The following FOCAD variants were observed in gnomAD, a reference collection of about 807,000 sequenced individuals.
FOCAD encodes focadhesin, also known as KIAA1797.
FOCAD carries 198 observed loss-of-function variants against 225.6 expected under a neutral mutation model. That is an observed-to-expected ratio of 0.88 (90% CI 0.78 to 0.99). The LOEUF (loss-of-function observed/expected upper bound fraction) is 0.99, where lower values mean the gene tolerates loss of function less well. Among genes scored for constraint, FOCAD ranks in the 50% least tolerant of loss-of-function variants. The pLI, the probability that FOCAD is intolerant of heterozygous loss-of-function variation, is 0.00. For missense variants in FOCAD, 2,713 were observed against 2,123.6 expected (o/e 1.28, Z -5.46); for synonymous variants, 897 against 755.0 (o/e 1.19, Z -3.08).
intron 15 of FOCAD, among the ~76,000 whole-genome samples, chr9:20,828,080 A>G (rs1825092951): frequency 6.6e-6 from 1 of 151,726 alleles, no homozygotes; most frequent in Admixed American, 6.6e-5. Context: ...CTGAGGTAGG[A>G]AGATTGAGGC....
intron 15 of FOCAD, among the ~76,000 whole-genome samples, chr9:20,824,321 C>T (rs1321398097): frequency 2.0e-5 from 3 of 152,042 alleles, no homozygotes; most frequent in Non-Finnish European, 4.4e-5. Flanking sequence ...TAAACTTTCA[C>T]CACCAAAAGG....
chr9:20,859,773 G>A (rs965924955), intron 15 of FOCAD, among the ~76,000 whole-genome samples: 1 of 149,318 alleles, frequency 6.7e-6, no homozygotes, highest in Non-Finnish European at 1.5e-5. Flanking sequence ...GATGAACCTT[G>A]GAAAAGGTAC....
At chr9:20,773,585 A>T (rs941867606) in intron 8 of FOCAD, among the ~76,000 whole-genome samples, 2 of 152,204 alleles carry the variant, frequency 1.3e-5, no homozygotes, top group East Asian at 3.8e-4. Context: ...AGTCCTATTC[A>T]TAACCTCCTT....
At chr9:20,992,638 C>G (rs576490444) in intron 42 of FOCAD, among the ~76,000 whole-genome samples, 4 of 152,128 alleles carry the variant, frequency 2.6e-5, no homozygotes, top group Non-Finnish European at 5.9e-5. Flanking sequence ...AGGAGGCCCT[C>G]TGGGCCCATG....
chr9:20,949,577 GA>G, intron 32 of FOCAD, 26 bp from the exon 33 acceptor site: 1 of 1,339,256 alleles, frequency 7.5e-7, no homozygotes, highest in Non-Finnish European at 1.0e-6. Context: ...GGGTGGGTGG[GA>G]TGGGTATTTC....
chr9:20,733,999 A>G (rs1465920831), intron 4 of FOCAD, among the ~76,000 whole-genome samples: 1 of 152,218 alleles, frequency 6.6e-6, no homozygotes, highest in Non-Finnish European at 1.5e-5. Context: ...TGACAGAGCA[A>G]GACCCTATCT....
At chr9:20,944,818 G>A (rs1837025805) in intron 29 of FOCAD, 44 bp downstream of exon 29, 4 of 1,552,322 alleles carry the variant, frequency 2.6e-6, no homozygotes, top group Non-Finnish European at 2.6e-6. Flanking sequence ...GCTCTCTTTT[G>A]TTTTCTTCTT....
chr9:20,938,109 G>C (rs1018396176), intron 28 of FOCAD, among the ~76,000 whole-genome samples: 13 of 152,272 alleles, frequency 8.5e-5, no homozygotes, highest in East Asian at 1.9e-4. Flanking sequence ...TGGAGAAATA[G>C]GAACACTTTT....
rs1825471260 is a variant in FOCAD at position 20,717,953 on chromosome 9, A to C, written c.132+85A>C. ...CATATGCACCTGTCTTGTTTCCCTG[A>C]TAGTTCAGATCACAGTAGAAATGCT... is the stretch of plus-strand genomic sequence containing the variant. On this transcript the variant is annotated intron_variant, in intron 3 of 43. Coordinates refer to ENST00000338382, the MANE Select transcript of FOCAD (RefSeq NM_001375567.1). The C allele has an allele frequency of 1.4e-5, 14 of 1,009,318 alleles. No homozygotes were observed. In the South Asian group the frequency reaches 2.0e-4, roughly 14 times the overall value. The allele number at this position is 1,009,318 out of a possible 1,614,324, so 62.5% of individuals were successfully genotyped here.
At position 20,715,415 on chromosome 9, in the gene FOCAD, TTTTG is replaced by T. The variant is rs780527365; in HGVS notation, c.57+13_57+16del. The T allele has an allele frequency of 2.9e-5, 44 of 1,493,672 alleles. No individual in the cohort carries two copies. The Middle Eastern group carries it at 5.4e-4, about 18-fold the overall frequency. 92.5% of individuals were successfully genotyped at this position (1,493,672 alleles called of 1,614,324 possible). A position where few individuals can be genotyped will look rare whatever the true frequency, so the allele number is the denominator to read the frequency against. On this transcript the variant is annotated splice_donor_region_variant and intron_variant, in intron 2 of 43. Coordinates refer to ENST00000338382, the MANE Select transcript of FOCAD (RefSeq NM_001375567.1). ...AATTCTCTTATCCAATCACAGGTAATTTTGTTTGTTTATTTTTGCTCATGGTAAC... is the reference window on the plus strand; with the variant it reads ...AATTCTCTTATCCAATCACAGGTAATTTTGTTTATTTTTGCTCATGGTAAC...
intron 26 of FOCAD, 124 bp downstream of exon 26, chr9:20,926,541 T>C: frequency 1.6e-6 from 1 of 636,558 alleles, no homozygotes; most frequent in Non-Finnish European, 2.8e-6. Context: ...CCCAGCACTT[T>C]GGAAGTCTGA....
At chr9:20,820,797 A>G in intron 13 of FOCAD, 144 bp from the exon 14 acceptor site, 1 of 875,932 alleles carries the variant, frequency 1.1e-6, no homozygotes, top group Non-Finnish European at 1.8e-6. Context: ...TCACTATAGC[A>G]ATCTTCTCTG....
chr9:20,973,152 C>T lies in FOCAD; in HGVS notation c.4133-3268C>T, dbSNP rs971823364. Among the ~76,000 whole-genome samples the T allele has an allele frequency of 6.0e-5, 9 of 150,682 alleles. 1 individual carries two copies. In the South Asian group the frequency reaches 1.9e-3, roughly 32 times the overall value. ...GATGTGGCCTCTGCTTCTCCTTGTT[C>T]CTGTGCTTCTCCTTTCTGCAGCTAT... On this transcript the variant is annotated intron_variant, in intron 35 of 43. Transcript: ENST00000338382.
intron 15 of FOCAD, among the ~76,000 whole-genome samples, chr9:20,826,715 C>T (rs1316504499): frequency 6.6e-6 from 1 of 152,088 alleles, no homozygotes; most frequent in Admixed American, 6.6e-5. Context: ...AACAGAGCCT[C>T]TGGCAATTTA....
At chr9:20,922,480 T>G (rs1834533088) in intron 24 of FOCAD, among the ~76,000 whole-genome samples, 1 of 152,166 alleles carries the variant, frequency 6.6e-6, no homozygotes, top group African/African-American at 2.4e-5. Flanking sequence ...CTGAGTCCCA[T>G]TCTTACCAAA....
Position 20,926,387 on chromosome 9 carries a change from C to T in FOCAD, c.3048C>T (p.Pro1016=), listed in dbSNP as rs777806560. ...LLVIVDSHYQ[P]RGQLLSWFYY... is the part of the protein sequence containing the mutation. The stretch of plus-strand genomic sequence containing the variant: ...TCATTGTGGATAGCCATTACCAACC[C>T]AGAGGGCAACTTCTCTCCTGGTTTT... Residue 1016 remains proline (P), a synonymous_variant, in exon 26 of 44, where the codon CCC becomes CCT. Transcript: ENST00000338382. 8 of 1,610,876 alleles carry T rather than the reference C, an allele frequency of 5.0e-6. No homozygotes were observed. Among genetic ancestry groups the T allele is most frequent in the Non-Finnish European group, 6.8e-6 (8 of 1,177,102 alleles).
chr9:20,930,573 TCA>T (rs1289957138), intron 27 of FOCAD, among the ~76,000 whole-genome samples: 1 of 152,226 alleles, frequency 6.6e-6, no homozygotes, highest in African/African-American at 2.4e-5. Flanking sequence ...TATATTTATT[TCA>T]GTTTGAGACC....
At chr9:20,851,169 T>C (rs1017948159) in intron 15 of FOCAD, among the ~76,000 whole-genome samples, 2 of 151,602 alleles carry the variant, frequency 1.3e-5, no homozygotes, top group African/African-American at 4.8e-5. Flanking sequence ...ATTTCAAAAG[T>C]TACCACCTTC....
chr9:20,656,774 T>G (rs573921995), upstream of FOCAD, among the ~76,000 whole-genome samples: 3 of 152,352 alleles, frequency 2.0e-5, no homozygotes, highest in East Asian at 1.9e-4. Context: ...TTAGTCCATT[T>G]ACATTTAAAG....
Sources: allele counts gnomAD v4.1 joint callset (sites outside exome capture counted in the v4.1 genomes callset), GRCh38; gene constraint gnomAD v4.1.1; transcripts MANE v1.5; gene names NCBI Gene and HGNC (gene_info 2026-07-23, HGNC 2026-07-21).